HSPA1L: variants seen among roughly 807,000 people sequenced by gnomAD.
HSPA1L encodes heat shock 70 kDa protein 1-like.
HSPA1L carries 21 observed loss-of-function variants against 31.5 expected under a neutral mutation model. That is an observed-to-expected ratio of 0.67 (90% confidence interval 0.47 to 0.96). The LOEUF (loss-of-function observed/expected upper bound fraction) is 0.96. HSPA1L is among the 40% of genes least tolerant of loss of function. The pLI is 0.00. For missense variants in HSPA1L, 709 were observed against 813.4 expected, an observed-to-expected ratio of 0.87 and a Z score of 1.56; for synonymous variants, 293 against 323.1, an observed-to-expected ratio of 0.91 and a Z score of 1.00.
Position 31,810,095 on chromosome 6 carries a change from A to G in HSPA1L, c.1878T>C (p.Tyr626=). 1 of 1,477,910 alleles carries G rather than the reference A, an allele frequency of 6.8e-7. No homozygotes were observed. Among genetic ancestry groups the G allele is most frequent in the Non-Finnish European group, 8.9e-7 (1 of 1,118,176 alleles). 91.5% of individuals were successfully genotyped at this position (1,477,910 alleles called of 1,614,324 possible). A position where few individuals can be genotyped will look rare whatever the true frequency, so the allele number is the denominator to read the frequency against. The part of the protein sequence containing the change: ...GCTGPACGTG[Y]VPGRPATGPT... ...GGCCTGTGGCAGGCCTTCCAGGCAC[A>G]TACCCTGTTCCGCAGGCAGGCCCAG... The change falls in exon 2 of 2, where the codon TAT becomes TAC. Residue 626 remains tyrosine, a synonymous_variant. Coordinates refer to ENST00000375654, the MANE Select transcript of HSPA1L (RefSeq NM_005527.4).
In HSPA1L at chr6:31,815,032, G is replaced by C. The variant is rs928828805; in HGVS notation, c.-157C>G. The C allele has an allele frequency of 2.5e-5, 24 of 966,176 alleles. No individual in the cohort carries two copies. Among genetic ancestry groups the C allele is most frequent in the Non-Finnish European group, 2.9e-5 (24 of 822,002 alleles). 59.9% of individuals were successfully genotyped at this position (966,176 alleles called of 1,614,324 possible). A position where few individuals can be genotyped will look rare whatever the true frequency, so the allele number is the denominator to read the frequency against. ...CGTCCCTCCCTGCAAATTTGAGACGGCTCCAACTCAGTAATCTTTTTCCAA... is the reference window on the plus strand; with the variant it reads ...CGTCCCTCCCTGCAAATTTGAGACGCCTCCAACTCAGTAATCTTTTTCCAA... On this transcript the variant is annotated 5_prime_UTR_variant, in exon 1 of 2. Coordinates refer to ENST00000375654, the MANE Select transcript of HSPA1L (RefSeq NM_005527.4).
chr6:31,814,407 G>C (rs1815697156), intron 1 of HSPA1L, among the ~76,000 whole-genome samples: 1 of 151,840 alleles, frequency 6.6e-6, no homozygotes, highest in Admixed American at 6.6e-5. Context: ...TACTCGGAAG[G>C]CTGAGGCAGG....
In HSPA1L at chr6:31,809,866, TTCCAAAGTC is replaced by T; in HGVS notation, c.*172_*180del. ...GAGGGGCCTAGTTTTCCTGAGTCCA[TTCCAAAGTC>T]AGAAACAGGATGTGAGGGAGTGTGA... On this transcript the variant is annotated 3_prime_UTR_variant, in exon 2 of 2. Transcript: ENST00000375654. 1 of 446,404 alleles carries T rather than the reference TTCCAAAGTC, an allele frequency of 2.2e-6. No homozygotes were observed. The highest frequency in any genetic ancestry group is 3.8e-6 in the Non-Finnish European group (1 of 263,294). The allele number at this position is 446,404 out of a possible 1,614,324, so 27.7% of individuals were successfully genotyped here. A position where few individuals can be genotyped will look rare whatever the true frequency, so the allele number is the denominator to read the frequency against.
chr6:31,814,508 CA>C (rs11414738), intron 1 of HSPA1L, among the ~76,000 whole-genome samples: 64,611 of 115,290 alleles, frequency 0.56, 16,183 homozygotes, highest in African/African-American at 0.72. Context: ...GACTCCGTCT[CA>C]AAAAAAAAAA....
chr6:31,811,839 G>A lies in HSPA1L; in HGVS notation c.134C>T (p.Ala45Val). 6.2e-7 allele frequency: 1 copy of A among 1,614,146 alleles called. No homozygotes were observed. Among genetic ancestry groups the A allele is most frequent in the Non-Finnish European group, 8.5e-7 (1 of 1,180,018 alleles). ...AATGAGCCGCTCGGTGTCTGTGAAG[G>A]CCACGTAGCTGGGGGTGGTGCGGTT... ...QGNRTTPSYV[A>V]FTDTERLIGD... is the part of the protein sequence containing the mutation. Residue 45 changes from alanine to valine, a missense_variant, in exon 2 of 2, where the codon GCC (alanine) becomes GTC (valine). Physicochemically the swap from Ala to Val is moderately conservative, Grantham distance 64 (BLOSUM62 0). Transcript: ENST00000375654.
rs1383499715 is a variant in HSPA1L, at chr6:31,810,935, G to C, written c.1038C>G (p.Pro346=). 1 of 1,614,110 alleles carries C rather than the reference G, an allele frequency of 6.2e-7. No individual in the cohort carries two copies. Among genetic ancestry groups the C allele is most frequent in the Non-Finnish European group, 8.5e-7 (1 of 1,180,012 alleles). The change falls in exon 2 of 2, where the codon CCC becomes CCG. Residue 346 remains proline, a synonymous_variant. Transcript: ENST00000375654. ...IVLVGGSTRI[P]KVQRLLQDYF... is the part of the protein sequence containing the mutation. The stretch of plus-strand genomic sequence containing the variant: ...AGTCCTGAAGCAGCCGCTGCACCTT[G>C]GGGATGCGGGTGGAGCCCCCTACTA...
At chr6:31,812,784 C>G (rs1815520330) in intron 1 of HSPA1L, among the ~76,000 whole-genome samples, 1 of 152,086 alleles carries the variant, frequency 6.6e-6, no homozygotes, top group Non-Finnish European at 1.5e-5. Flanking sequence ...TAAGTAACTC[C>G]CGTTTTCCCC....
chr6:31,814,935 G>C lies in HSPA1L; in HGVS notation c.-60C>G, dbSNP rs974848322. The stretch of plus-strand genomic sequence containing the variant: ...TTCAGTTTGGAAACGTCCAGATTAC[G>C]CAGCCCCAGCGAGTAGGTGGGGGCT... On this transcript the variant is annotated 5_prime_UTR_variant, in exon 1 of 2. Coordinates refer to ENST00000375654, the MANE Select transcript of HSPA1L (RefSeq NM_005527.4). The C allele has an allele frequency of 2.0e-6, 2 of 985,430 alleles. No homozygotes were observed. The highest frequency in any genetic ancestry group is 2.4e-6 in the Non-Finnish European group (2 of 830,162). The allele number at this position is 985,430 out of a possible 1,614,324, so 61.0% of individuals were successfully genotyped here. A position where few individuals can be genotyped will look rare whatever the true frequency, so the allele number is the denominator to read the frequency against.
Position 31,811,542 on chromosome 6 carries a change from G to GC in HSPA1L, c.430dup (p.Ala144GlyfsTer11), listed in dbSNP as rs778310496. 1 of 1,614,160 alleles carries GC rather than the reference G, an allele frequency of 6.2e-7. No homozygotes were observed. Among genetic ancestry groups the GC allele is most frequent in the Admixed American group, 1.7e-5 (1 of 60,012 alleles). On this transcript the variant is annotated frameshift_variant, in exon 2 of 2. Transcript: ENST00000375654. LOFTEE classifies it high-confidence loss of function. ...GAAATAGGCTGGCACGGTAATCACTGCATTGGTGACAGGGTGGCCCAAAAA... is the reference window on the plus strand; with the variant it reads ...GAAATAGGCTGGCACGGTAATCACTGCCATTGGTGACAGGGTGGCCCAAAAA...
At position 31,814,929 on chromosome 6, in the gene HSPA1L, G is replaced by A. The variant is rs747394027; in HGVS notation, c.-54C>T. ...CTTCGCTTCAGTTTGGAAACGTCCA[G>A]ATTACGCAGCCCCAGCGAGTAGGTG... is the stretch of plus-strand genomic sequence containing the variant. On this transcript the variant is annotated 5_prime_UTR_variant, in exon 1 of 2. Transcript: ENST00000375654. The A allele has an allele frequency of 4.4e-4, 429 of 985,576 alleles. No individual in the cohort carries two copies. Among genetic ancestry groups the A allele is most frequent in the Non-Finnish European group, 4.9e-4 (410 of 830,206 alleles). 61.1% of individuals were successfully genotyped at this position (985,576 alleles called of 1,614,324 possible).
In HSPA1L at chr6:31,811,911, C is replaced by A; in HGVS notation, c.62G>T (p.Gly21Val). The A allele has an allele frequency of 6.2e-7, 1 of 1,614,184 alleles. No individual in the cohort carries two copies. Among genetic ancestry groups the A allele is most frequent in the South Asian group, 1.1e-5 (1 of 91,082 alleles). ...CTCCACCTTGCCGTGCTGGAACACC[C>A]CCACACAGGAGTAGGTGGTGCCCAG... is the stretch of plus-strand genomic sequence containing the variant. ...IDLGTTYSCV[G>V]VFQHGKVEII... is the part of the protein sequence containing the mutation. Residue 21 changes from glycine (G) to valine (V), a missense_variant, in exon 2 of 2, where the codon GGG becomes GTG. Gly to Val is a moderately radical substitution (Grantham distance 109, BLOSUM62 -3). Coordinates refer to ENST00000375654, the MANE Select transcript of HSPA1L (RefSeq NM_005527.4).
At chr6:31,813,760 C>T (rs1400155493) in intron 1 of HSPA1L, among the ~76,000 whole-genome samples, 1 of 152,206 alleles carries the variant, frequency 6.6e-6, no homozygotes, top group Non-Finnish European at 1.5e-5. Context: ...TTCTCAGCTA[C>T]TCAAAGAAGT....
At position 31,815,127 on chromosome 6, in the gene HSPA1L, C is replaced by A; in HGVS notation, c.-252G>T. On this transcript the variant is annotated 5_prime_UTR_variant, in exon 1 of 2. Coordinates refer to ENST00000375654, the MANE Select transcript of HSPA1L (RefSeq NM_005527.4). ...CGGGCGGTGTCAACACAAACGCCCC[C>A]ACCCTCCCCTGGACGCGCGTAACCC... The A allele has an allele frequency of 1.6e-6, 1 of 609,178 alleles. No homozygotes were observed. Among genetic ancestry groups the A allele is most frequent in the Non-Finnish European group, 2.1e-6 (1 of 478,526 alleles). 37.7% of individuals were successfully genotyped at this position (609,178 alleles called of 1,614,324 possible).
At position 31,810,788 on chromosome 6, in the gene HSPA1L, C is replaced by T. The variant is rs762150399; in HGVS notation, c.1185G>A (p.Leu395=). The change falls in exon 2 of 2, where the codon CTG becomes CTA. Residue 395 remains leucine, a synonymous_variant. Coordinates refer to ENST00000375654, the MANE Select transcript of HSPA1L (RefSeq NM_005527.4). ...CCAGGGACAGGGGAGCCACGTCCAG[C>T]AGCAGCAGGTCCTGTACCTTCTCAG... ...DKSEKVQDLL[L]LDVAPLSLGL... is the part of the protein sequence containing the mutation. 1.9e-6 allele frequency: 3 copies of T among 1,614,166 alleles called. No individual in the cohort carries two copies. Among genetic ancestry groups the T allele is most frequent in the South Asian group, 2.2e-5 (2 of 91,088 alleles).
intron 1 of HSPA1L, among the ~76,000 whole-genome samples, chr6:31,813,871 C>T (rs1284521643): frequency 6.6e-6 from 1 of 152,158 alleles, no homozygotes; most frequent in Non-Finnish European, 1.5e-5. Context: ...CTCTTTATGA[C>T]CCAAGAGTAG....
Position 31,811,679 on chromosome 6 carries a change from A to G in HSPA1L, c.294T>C (p.Asn98=), listed in dbSNP as rs761517986. Residue 98 remains asparagine, a synonymous_variant, in exon 2 of 2, where the codon AAT becomes AAC. Transcript: ENST00000375654. ...DMKLWPFQVI[N]EGGKPKVLVS... is the part of the protein sequence containing the mutation. ...CAAGGACTTTGGGCTTGCCTCCTTC[A>G]TTAATCACTTGAAAAGGCCAAAGTT... 25 of 1,614,074 alleles carry G rather than the reference A, an allele frequency of 1.5e-5. No individual in the cohort carries two copies. The South Asian group carries it at 2.5e-4, about 16-fold the overall frequency.
intron 1 of HSPA1L, among the ~76,000 whole-genome samples, chr6:31,812,951 A>G (rs1815537601): frequency 6.6e-6 from 1 of 151,888 alleles, no homozygotes; most frequent in South Asian, 2.1e-4. Flanking sequence ...CCTCCCAAGT[A>G]GCTTGGACCA....
intron 1 of HSPA1L, among the ~76,000 whole-genome samples, chr6:31,813,770 T>A (rs945766350): frequency 6.6e-6 from 1 of 152,180 alleles, no homozygotes; most frequent in Non-Finnish European, 1.5e-5. Flanking sequence ...CTCAAAGAAG[T>A]TGGGAAGCAA....
chr6:31,810,354 G>A lies in HSPA1L; in HGVS notation c.1619C>T (p.Ala540Val), dbSNP rs554869938. 2.7e-5 allele frequency: 44 copies of A among 1,606,006 alleles called. No homozygotes were observed. The South Asian group carries it at 4.4e-4, about 16-fold the overall frequency. The change falls in exon 2 of 2, where the codon GCA becomes GTA. Residue 540 changes from alanine to valine, a missense_variant. Coordinates refer to ENST00000375654, the MANE Select transcript of HSPA1L (RefSeq NM_005527.4). ...EDEVQREKIAAKNALESYAFN... is the reference protein window; with the variant it reads ...EDEVQREKIAVKNALESYAFN... ...AGCATAGGATTCTAAGGCATTCTTT[G>A]CAGCAATTTTCTCCCTCTGGACCTC...
Sources: allele counts gnomAD v4.1 joint callset (sites outside exome capture counted in the v4.1 genomes callset), GRCh38; gene constraint gnomAD v4.1.1; transcripts MANE v1.5; gene names NCBI Gene and HGNC (gene_info 2026-07-23, HGNC 2026-07-21).